Variants in SLC4A4 observed in about 807,000 individuals in gnomAD.
The protein encoded by SLC4A4 is solute carrier family 4 member 4, also known as electrogenic sodium bicarbonate cotransporter 1.
In SLC4A4, 27 loss-of-function variants were observed where a neutral mutation model predicts 111.5. That is an observed-to-expected ratio of 0.24 (90% confidence interval 0.18 to 0.33). The LOEUF (loss-of-function observed/expected upper bound fraction) is 0.33, where lower values mean the gene tolerates loss of function less well. Ranked by LOEUF, SLC4A4 falls within the 10% of genes least tolerant of loss-of-function variation. The pLI is 1.00. For missense variants in SLC4A4, 909 were observed against 1,315.5 expected (o/e 0.69, Z 4.78); for synonymous variants, 443 against 463.4 (o/e 0.96, Z 0.57).
intron 1 of SLC4A4, among the ~76,000 whole-genome samples, chr4:71,219,743 CAGA>C (rs1718633777): frequency 6.6e-6 from 1 of 151,356 alleles, no homozygotes; most frequent in South Asian, 2.1e-4. Context: ...TCTACAGAAA[CAGA>C]AGTTTAAGAG....
chr4:71,186,673 G>A (rs1167734406), upstream of SLC4A4: 1 of 151,650 alleles, frequency 6.6e-6, no homozygotes, highest in Admixed American at 6.6e-5. Flanking sequence ...CGGAGCGGTG[G>A]GGGCCGGGCT....
At chr4:71,098,365 A>G (rs191597926) in intron 2 of SLC4A4, among the ~76,000 whole-genome samples, 51 of 152,234 alleles carry the variant, frequency 3.4e-4, no homozygotes, top group African/African-American at 1.2e-3. Flanking sequence ...TAGGCTGTCT[A>G]TTCTGTTCCA....
At chr4:71,339,630 G>T (rs1728725484) in intron 4 of SLC4A4, 125 bp downstream of exon 4, 1 of 842,252 alleles carries the variant, frequency 1.2e-6, no homozygotes, top group Non-Finnish European at 2.0e-6. Flanking sequence ...GATGTTGGCT[G>T]GGATAAGGAG....
intron 1 of SLC4A4, among the ~76,000 whole-genome samples, chr4:71,086,625 AT>A (rs1224392695): frequency 6.6e-6 from 1 of 151,946 alleles, no homozygotes; most frequent in African/African-American, 2.4e-5. Flanking sequence ...GGGTTGTTGA[AT>A]TTTGTCAAAG....
chr4:71,212,997 A>G (rs753612452), intron 1 of SLC4A4, among the ~76,000 whole-genome samples: 3 of 152,208 alleles, frequency 2.0e-5, no homozygotes, highest in Non-Finnish European at 2.9e-5. Context: ...ATAATTGCCT[A>G]CAGTATTCAG....
At chr4:71,372,597 G>A (rs1290561678) in intron 6 of SLC4A4, among the ~76,000 whole-genome samples, 1 of 152,188 alleles carries the variant, frequency 6.6e-6, no homozygotes, top group Non-Finnish European at 1.5e-5. Context: ...ACTGGCAGTC[G>A]AAATCAGCTG....
chr4:71,213,914 G>C (rs1033074145), intron 1 of SLC4A4, among the ~76,000 whole-genome samples: 1 of 152,194 alleles, frequency 6.6e-6, no homozygotes, highest in African/African-American at 2.4e-5. Context: ...AGAATTGTGA[G>C]AAATAAATGT....
intron 3 of SLC4A4, among the ~76,000 whole-genome samples, chr4:71,332,385 T>A (rs1728072311): frequency 6.6e-6 from 1 of 152,022 alleles, no homozygotes; most frequent in South Asian, 2.1e-4. Context: ...TAGGCTGTTT[T>A]CTAGATCTCA....
At chr4:71,160,195 T>A (rs1744581899) in intron 2 of SLC4A4, among the ~76,000 whole-genome samples, 1 of 145,316 alleles carries the variant, frequency 6.9e-6, no homozygotes, top group South Asian at 2.4e-4. Flanking sequence ...TTAAAACCCA[T>A]GTAGTCTGAT....
Position 71,362,993 on chromosome 4 carries a change from G to A in SLC4A4, c.730+5806G>A, listed in dbSNP as rs115969377. Among the ~76,000 whole-genome samples, 383 of 152,266 alleles carry A rather than the reference G, an allele frequency of 2.5e-3. 2 individuals are homozygous for A. Among genetic ancestry groups the A allele is most frequent in the Non-Finnish European group, 2.2e-3 (151 of 68,022 alleles). On this transcript the variant is annotated intron_variant, in intron 6 of 25. Coordinates refer to ENST00000264485, the MANE Select transcript of SLC4A4 (RefSeq NM_001098484.3). ...CTTTTTTAATTCAAATATGAGAAAT[G>A]TAATCCACTTGCTCCCATTATGGGT...
chr4:71,261,556 T>C (rs1336996833), intron 3 of SLC4A4, among the ~76,000 whole-genome samples: 1 of 152,184 alleles, frequency 6.6e-6, no homozygotes, highest in Non-Finnish European at 1.5e-5. Flanking sequence ...GTGGTACAAA[T>C]AATTGTTGTT....
chr4:71,381,322 CA>C (rs1718117416), intron 6 of SLC4A4, among the ~76,000 whole-genome samples: 1 of 152,180 alleles, frequency 6.6e-6, no homozygotes, highest in African/African-American at 2.4e-5. Context: ...ATTATTTCTC[CA>C]TTTTCCTGAG....
chr4:71,453,031 G>C (rs562312298), intron 11 of SLC4A4, among the ~76,000 whole-genome samples: 1 of 152,278 alleles, frequency 6.6e-6, no homozygotes, highest in Non-Finnish European at 1.5e-5. Flanking sequence ...TCAGCACTCA[G>C]AAGAGTGCCA....
intron 3 of SLC4A4, among the ~76,000 whole-genome samples, chr4:71,262,222 G>A (rs1391798629): frequency 6.6e-6 from 1 of 152,124 alleles, no homozygotes; most frequent in Non-Finnish European, 1.5e-5. Flanking sequence ...TCATATAGAA[G>A]GAAATAATTC....
chr4:71,474,822 A>G (rs1178527617), intron 14 of SLC4A4, among the ~76,000 whole-genome samples: 2 of 151,884 alleles, frequency 1.3e-5, no homozygotes, highest in South Asian at 2.1e-4. Context: ...GAAATATTTG[A>G]TAATTTAAAA....
intron 3 of SLC4A4, among the ~76,000 whole-genome samples, chr4:71,267,791 C>CAAAAAAAAAAAAAAAAAAAAAAAAAAAAA: frequency 1.6e-5 from 1 of 62,360 alleles, no homozygotes; most frequent in Admixed American, 2.8e-4. Flanking sequence ...GAGAGTCTGC[C>CAAAAAAAAAAAAAAAAAAAAAAAAAAAAA]AAAAAAAAAA....
chr4:71,508,886 C>G (rs1428397707), intron 16 of SLC4A4, among the ~76,000 whole-genome samples: 2 of 152,178 alleles, frequency 1.3e-5, no homozygotes, highest in Non-Finnish European at 2.9e-5. Context: ...AATCCAGCAG[C>G]ACGTCCAGCT....
chr4:71,178,612 G>A (rs1479568924), intron 2 of SLC4A4, among the ~76,000 whole-genome samples: 1 of 152,136 alleles, frequency 6.6e-6, no homozygotes, highest in Non-Finnish European at 1.5e-5. Context: ...TAGAAGAAAT[G>A]GATACATTCC....
intron 6 of SLC4A4, among the ~76,000 whole-genome samples, chr4:71,397,150 GC>G (rs1719892137): frequency 1.3e-5 from 2 of 152,278 alleles, no homozygotes; most frequent in Non-Finnish European, 1.5e-5. Flanking sequence ...GGAGGTCTGG[GC>G]CTGGCATCCA....
Sources: gnomAD v4.1 joint callset for allele counts (sites outside exome capture counted in the v4.1 genomes callset) on GRCh38, gnomAD v4.1.1 for gene constraint, MANE v1.5 for transcripts, NCBI Gene and HGNC (gene_info 2026-07-23, HGNC 2026-07-21) for gene names.